ANKRD30A: variants seen among roughly 807,000 people sequenced by gnomAD.
ANKRD30A encodes the protein ankyrin repeat domain 30A.
ANKRD30A carries 170 observed loss-of-function variants against 166.3 expected under a neutral mutation model. The observed-to-expected ratio is 1.02, with a 90% confidence interval of 0.90 to 1.16. The LOEUF (loss-of-function observed/expected upper bound fraction) is 1.16, where lower values mean the gene tolerates loss of function less well. ANKRD30A is among the 50% of genes most tolerant of loss of function. The pLI, the probability that ANKRD30A is intolerant of heterozygous loss-of-function variation, is 0.00. For missense variants in ANKRD30A, 1,630 were observed against 1,518.0 expected (o/e 1.07, Z -1.23); for synonymous variants, 564 against 508.9 (o/e 1.11, Z -1.46).
chr10:37,143,288 T>G (rs1837283800), intron 7 of ANKRD30A, among the ~76,000 whole-genome samples: 1 of 152,134 alleles, frequency 6.6e-6, no homozygotes, highest in Non-Finnish European at 1.5e-5. Context: ...AAGATTAGAT[T>G]TGAGTATCAG....
At chr10:37,241,223 C>G in the ANKRD30A span, 1 of 150,862 alleles carries the variant, frequency 6.6e-6, no homozygotes, top group Non-Finnish European at 1.5e-5. Context: ...CTAGGATCTA[C>G]TAATGATTTA....
At chr10:37,226,766 C>T (rs1182906023) in intron 34 of ANKRD30A, among the ~76,000 whole-genome samples, 2 of 151,710 alleles carry the variant, frequency 1.3e-5, no homozygotes, top group Non-Finnish European at 2.9e-5. Flanking sequence ...GGAGGAAATG[C>T]CAGTACATTT....
In ANKRD30A at chr10:37,231,223, C is replaced by CA. The variant is rs61434242; in HGVS notation, c.4186-228dup. On this transcript the variant is annotated intron_variant, in intron 34 of 35. Transcript: ENST00000361713. ...CTACATAGTGAAATAGTCATGGCGG[C>CA]AAAAAAAAAACTTTTTGTTAGAAAT... is the stretch of plus-strand genomic sequence containing the variant. Among the ~76,000 whole-genome samples the CA allele has an allele frequency of 5.9e-3, 851 of 144,440 alleles. 8 individuals carry two copies. The highest frequency in any genetic ancestry group is 0.02 in the African/African-American group (784 of 39,616). 94.8% of individuals were successfully genotyped at this position (144,440 alleles called of 152,430 possible). A position where few individuals can be genotyped will look rare whatever the true frequency, so the allele number is the denominator to read the frequency against.
In ANKRD30A at chr10:37,201,311, G is replaced by A. The variant is rs137903346; in HGVS notation, c.2855G>A (p.Ser952Asn). 772 of 1,585,436 alleles carry A rather than the reference G, an allele frequency of 4.9e-4. 5 individuals are homozygous for A. The African/African-American group carries it at 9.5e-3, about 19-fold the overall frequency. Reference protein sequence around the residue: ...ATHQKEMDKISGKLEDSTSLS... With the variant: ...ATHQKEMDKINGKLEDSTSLS... ...CATCAAAAAGAAATGGATAAAATAAGTGGAAAATTAGAAGGTAAGAACCAT... is the reference window on the plus strand; with the variant it reads ...CATCAAAAAGAAATGGATAAAATAAATGGAAAATTAGAAGGTAAGAACCAT... The change falls in exon 31 of 36, where the codon AGT (serine) becomes AAT (asparagine). Residue 952 changes from serine to asparagine, a missense_variant. Transcript: ENST00000361713.
chr10:37,241,708 A>C, the ANKRD30A span, among the ~76,000 whole-genome samples: 1 of 152,186 alleles, frequency 6.6e-6, no homozygotes, highest in Non-Finnish European at 1.5e-5. Context: ...AATTGACACC[A>C]TACCATCAAA....
intron 11 of ANKRD30A, 51 bp from the exon 12 acceptor site, chr10:37,152,009 T>G (rs749263602): frequency 1.7e-5 from 25 of 1,485,502 alleles, no homozygotes; most frequent in Admixed American, 3.8e-5. Flanking sequence ...TTTTTAAAAT[T>G]TATAGTAGAG....
intron 34 of ANKRD30A, among the ~76,000 whole-genome samples, chr10:37,225,908 T>A (rs376044980): frequency 6.6e-6 from 1 of 151,642 alleles, no homozygotes; most frequent in Non-Finnish European, 1.5e-5. Context: ...TTCTAGAATA[T>A]TTTTATCAGT....
chr10:37,161,993 TATATAA>T (rs1294989714), intron 15 of ANKRD30A, among the ~76,000 whole-genome samples: 2 of 152,224 alleles, frequency 1.3e-5, no homozygotes, highest in Non-Finnish European at 2.9e-5. Context: ...AATAAATTTT[TATATAA>T]ATATGTCAAT....
intron 9 of ANKRD30A, 106 bp from the exon 10 acceptor site, chr10:37,149,545 T>C (rs1837754407): frequency 7.3e-7 from 1 of 1,369,152 alleles, no homozygotes; most frequent in South Asian, 1.3e-5. Flanking sequence ...AAGTATTCGT[T>C]CTCAAAGTCG....
chr10:37,207,179 A>G (rs1172643087), intron 31 of ANKRD30A, among the ~76,000 whole-genome samples: 3 of 152,248 alleles, frequency 2.0e-5, no homozygotes, highest in Admixed American at 6.5e-5. Context: ...ATACATCCAT[A>G]CTCATAAATT....
chr10:37,201,779 G>A (rs567607230), intron 31 of ANKRD30A, among the ~76,000 whole-genome samples: 5 of 152,026 alleles, frequency 3.3e-5, no homozygotes, highest in Admixed American at 1.3e-4. Flanking sequence ...TACAGCAAAA[G>A]TATTCTGACT....
At chr10:37,248,528 G>A in the ANKRD30A span, among the ~76,000 whole-genome samples, 14 of 152,098 alleles carry the variant, frequency 9.2e-5, no homozygotes, top group Non-Finnish European at 2.1e-4. Flanking sequence ...CAGCCCCCAT[G>A]GTCCAAGTTC....
At position 37,219,472 on chromosome 10, in the gene ANKRD30A, T is replaced by C. The variant is rs780329097; in HGVS notation, c.3760T>C (p.Ser1254Pro). 9.3e-6 allele frequency: 15 copies of C among 1,610,308 alleles called. No individual in the cohort carries two copies. The highest frequency in any genetic ancestry group is 1.3e-5 in the Non-Finnish European group (15 of 1,177,654). ...YNNEVLHQPL[S>P]EAQRKSKSLK... ...CAATGAGGTGCTCCATCAACCACTTTCTGAAGCTCAAAGGAAATCCAAAAG... is the reference window on the plus strand; with the variant it reads ...CAATGAGGTGCTCCATCAACCACTTCCTGAAGCTCAAAGGAAATCCAAAAG... Residue 1254 changes from serine to proline, a missense_variant, in exon 34 of 36, where the codon TCT (serine) becomes CCT (proline). By Grantham distance (74) the Ser-to-Pro change is moderately conservative. Transcript: ENST00000361713.
At chr10:37,252,650 T>C in the ANKRD30A span, among the ~76,000 whole-genome samples, 1 of 152,076 alleles carries the variant, frequency 6.6e-6, no homozygotes, top group Non-Finnish European at 1.5e-5. Flanking sequence ...CTATCCCAGT[T>C]CATGAATATA....
intron 19 of ANKRD30A, among the ~76,000 whole-genome samples, chr10:37,167,822 T>C (rs1316828086): frequency 6.8e-6 from 1 of 147,724 alleles, no homozygotes. Context: ...TCTGATGAGA[T>C]GTCAATTCTA....
At chr10:37,254,889 A>G in the ANKRD30A span, among the ~76,000 whole-genome samples, 2 of 151,942 alleles carry the variant, frequency 1.3e-5, no homozygotes, top group Non-Finnish European at 2.9e-5. Flanking sequence ...TCACCGTGTT[A>G]GCCAGAACGG....
chr10:37,232,697 T>TATATATATAGAGAG (rs1273812991), downstream of ANKRD30A: 3 of 78,400 alleles, frequency 3.8e-5, 1 homozygote, highest in Admixed American at 2.8e-4. Flanking sequence ...TATATATAAA[T>TATATATATAGAGAG]AGAGAGAGAG....
At chr10:37,227,939 A>G (rs1843236702) in intron 34 of ANKRD30A, among the ~76,000 whole-genome samples, 1 of 151,980 alleles carries the variant, frequency 6.6e-6, no homozygotes, top group South Asian at 2.1e-4. Context: ...CTTGCAGTTC[A>G]CAGGTAGATC....
intron 31 of ANKRD30A, among the ~76,000 whole-genome samples, chr10:37,206,418 G>A (rs1841999048): frequency 6.6e-6 from 1 of 152,126 alleles, no homozygotes; most frequent in African/African-American, 2.4e-5. Flanking sequence ...GATATGTTTT[G>A]TTGATATTAT....
Sources: allele counts gnomAD v4.1 joint callset (sites outside exome capture counted in the v4.1 genomes callset), GRCh38; gene constraint gnomAD v4.1.1; transcripts MANE v1.5; gene names NCBI Gene and HGNC (gene_info 2026-07-23, HGNC 2026-07-21).